Variants in ABCD3 observed in about 807,000 individuals in gnomAD.
ABCD3 encodes ATP-binding cassette sub-family D member 3.
ABCD3 carries 41 observed loss-of-function variants against 105.5 expected under a neutral mutation model. The ratio of observed to expected loss-of-function variants is 0.39; its 90% CI spans 0.30 to 0.50. ABCD3 has a LOEUF of 0.50. Ranked by LOEUF, ABCD3 falls within the 20% of genes least tolerant of loss-of-function variation. The pLI, the probability that ABCD3 is intolerant of heterozygous loss-of-function variation, is 0.84. For synonymous variants in ABCD3, 258 were observed against 269.0 expected (o/e 0.96, Z 0.40); for missense variants, 622 against 806.3 (o/e 0.77, Z 2.77).
Position 94,487,785 on chromosome 1 carries a change from T to C in ABCD3, c.1059T>C (p.Leu353=). 6.2e-7 allele frequency: 1 copy of C among 1,613,854 alleles called. No homozygotes were observed. The highest frequency in any genetic ancestry group is 8.5e-7 in the Non-Finnish European group (1 of 1,179,826). Residue 353 remains leucine (L), a synonymous_variant, in exon 12 of 23, where the codon CTT becomes CTC. Coordinates refer to ENST00000370214, the MANE Select transcript of ABCD3 (RefSeq NM_002858.4). ...PRHLKSTHSE[L]LEDYYQSGRM... ...ATCTCAAGAGTACACATTCGGAACT[T>C]CTAGAGGTAAACTGATGATAATACA... is the stretch of plus-strand genomic sequence containing the variant.
At chr1:94,504,868 G>A (rs1650274364) in intron 20 of ABCD3, among the ~76,000 whole-genome samples, 1 of 152,156 alleles carries the variant, frequency 6.6e-6, no homozygotes, top group Non-Finnish European at 1.5e-5. Context: ...GGGCATGTTT[G>A]TGGAGATGAG....
the ABCD3 span, among the ~76,000 whole-genome samples, chr1:94,391,887 A>T: frequency 6.6e-6 from 1 of 152,208 alleles, no homozygotes; most frequent in Non-Finnish European, 1.5e-5. Context: ...GACTTGGCTC[A>T]CAACCAGCCT....
At chr1:94,435,602 T>C (rs1659873372) in intron 1 of ABCD3, among the ~76,000 whole-genome samples, 1 of 152,222 alleles carries the variant, frequency 6.6e-6, no homozygotes, top group African/African-American at 2.4e-5. Context: ...GCTTGACACC[T>C]AGATCAGTGA....
chr1:94,396,606 T>C, the ABCD3 span, among the ~76,000 whole-genome samples: 7 of 151,276 alleles, frequency 4.6e-5, no homozygotes, highest in African/African-American at 1.5e-4. Flanking sequence ...TGTGTGTGTG[T>C]GTGTGCGCGC....
intron 3 of ABCD3, among the ~76,000 whole-genome samples, chr1:94,465,972 A>G (rs999676030): frequency 6.6e-6 from 1 of 151,914 alleles, no homozygotes; most frequent in African/African-American, 2.4e-5. Context: ...GCAGTTCCCA[A>G]AGAAAACGTA....
At chr1:94,503,823 C>T (rs1011490087) in intron 20 of ABCD3, among the ~76,000 whole-genome samples, 7 of 148,120 alleles carry the variant, frequency 4.7e-5, no homozygotes, top group African/African-American at 1.7e-4. Flanking sequence ...TTTTTTGAGG[C>T]AGTCTCACTG....
the ABCD3 span, among the ~76,000 whole-genome samples, chr1:94,409,587 T>C: frequency 6.6e-6 from 1 of 152,216 alleles, no homozygotes; most frequent in African/African-American, 2.4e-5. Flanking sequence ...TCGGTGAAAC[T>C]TTACTTATTA....
At chr1:94,418,141 G>A (rs1332718554), upstream of ABCD3, among the ~76,000 whole-genome samples, 2 of 152,178 alleles carry the variant, frequency 1.3e-5, no homozygotes, top group Non-Finnish European at 2.9e-5. Context: ...GGGAGGGTAG[G>A]GGTGAGGCAG....
chr1:94,466,774 T>A (rs921188843), intron 3 of ABCD3, among the ~76,000 whole-genome samples: 2 of 152,214 alleles, frequency 1.3e-5, no homozygotes, highest in Non-Finnish European at 2.9e-5. Flanking sequence ...AATGTTCATT[T>A]TAACTATTGC....
chr1:94,483,188 C>A lies in ABCD3; in HGVS notation c.846C>A (p.Tyr282Ter), dbSNP rs1649108934. The A allele has an allele frequency of 1.9e-6, 3 of 1,610,666 alleles. No individual in the cohort carries two copies. The highest frequency in any genetic ancestry group is 2.5e-6 in the Non-Finnish European group (3 of 1,177,064). ...LITNSEEIAF[Y>*]NGNKREKQTV... is the part of the protein sequence containing the mutation. The stretch of plus-strand genomic sequence containing the variant: ...TTAATAGTGAAGAAATTGCCTTTTA[C>A]AATGGGAATAAAAGAGAAAAGCAGA... The change falls in exon 10 of 23, where the codon TAC becomes TAA. Residue 282 changes from tyrosine to a stop codon, truncating the protein, a stop_gained. Coordinates refer to ENST00000370214, the MANE Select transcript of ABCD3 (RefSeq NM_002858.4). LOFTEE classifies it high-confidence loss of function.
chr1:94,467,013 T>TAG (rs1217846780), intron 3 of ABCD3, among the ~76,000 whole-genome samples: 2 of 152,218 alleles, frequency 1.3e-5, no homozygotes, highest in African/African-American at 4.8e-5. Context: ...CACAGAAAGA[T>TAG]AACTGATTCC....
chr1:94,418,456 G>C lies in ABCD3; in HGVS notation c.-23G>C, dbSNP rs749114837. 1.9e-6 allele frequency: 3 copies of C among 1,574,470 alleles called. No homozygotes were observed. Among genetic ancestry groups the C allele is most frequent in the Non-Finnish European group, 2.6e-6 (3 of 1,163,260 alleles). On this transcript the variant is annotated 5_prime_UTR_variant, in exon 1 of 23. Coordinates refer to ENST00000370214, the MANE Select transcript of ABCD3 (RefSeq NM_002858.4). ...GCCGCCGCCGCCGCGTCCCCTCGCC[G>C]GCTCGCTGGTACCGGCAGTGCCATG...
chr1:94,472,412 C>G lies in ABCD3; in HGVS notation c.336-1354C>G, dbSNP rs184456668. Among the ~76,000 whole-genome samples the G allele has an allele frequency of 4.7e-5, 7 of 149,662 alleles. No homozygotes were observed. The East Asian group carries it at 1.4e-3, about 29-fold the overall frequency. On this transcript the variant is annotated intron_variant, in intron 4 of 22. Transcript: ENST00000370214. ...TCTGTAATATTCTTATTGCTATAAA[C>G]AACATTTTTGTGTGGTTCTATTTAA...
chr1:94,434,510 A>G (rs1251243252), intron 1 of ABCD3, among the ~76,000 whole-genome samples: 1 of 152,150 alleles, frequency 6.6e-6, no homozygotes, highest in Non-Finnish European at 1.5e-5. Context: ...CACCACATAC[A>G]TGTGAGTAAT....
At chr1:94,491,085 G>T in intron 15 of ABCD3, 99 bp from the exon 16 acceptor site, 1 of 838,634 alleles carries the variant, frequency 1.2e-6, no homozygotes, top group Non-Finnish European at 1.9e-6. Context: ...TAAGCTCTTT[G>T]CCCATTTTTT....
At chr1:94,486,376 C>G (rs1300683000) in intron 10 of ABCD3, among the ~76,000 whole-genome samples, 1 of 152,140 alleles carries the variant, frequency 6.6e-6, no homozygotes, top group Non-Finnish European at 1.5e-5. Flanking sequence ...ACTAGTTATG[C>G]TCTTTCATTA....
chr1:94,430,492 G>T (rs1281384198), intron 1 of ABCD3, among the ~76,000 whole-genome samples: 5 of 152,140 alleles, frequency 3.3e-5, no homozygotes, highest in African/African-American at 1.2e-4. Context: ...GGTCTTTCCT[G>T]TGCTGTTCTA....
chr1:94,472,660 TAA>T (rs1038471704), intron 4 of ABCD3, among the ~76,000 whole-genome samples: 1 of 152,156 alleles, frequency 6.6e-6, no homozygotes, highest in African/African-American at 2.4e-5. Context: ...AGGTCTTTGG[TAA>T]AGACATTTGT....
the ABCD3 span, among the ~76,000 whole-genome samples, chr1:94,396,238 C>A: frequency 6.6e-6 from 1 of 152,122 alleles, no homozygotes; most frequent in African/African-American, 2.4e-5. Context: ...TTCAGTTTCC[C>A]CAGTTAGTAA....
Sources: allele counts gnomAD v4.1 joint callset (sites outside exome capture counted in the v4.1 genomes callset), GRCh38; gene constraint gnomAD v4.1.1; transcripts MANE v1.5; gene names NCBI Gene and HGNC (gene_info 2026-07-23, HGNC 2026-07-21).